TRPC4AP: variants seen among roughly 807,000 people sequenced by gnomAD.
TRPC4AP encodes the protein short transient receptor potential channel 4-associated protein.
A neutral mutation model predicts 99.0 loss-of-function variants in TRPC4AP; 45 were observed. The ratio of observed to expected loss-of-function variants is 0.45; its 90% CI spans 0.36 to 0.58. The LOEUF is 0.58. Among genes scored for constraint, TRPC4AP ranks in the 20% least tolerant of loss-of-function variants. The probability of loss-of-function intolerance (pLI) is 0.00; values close to 1 mark genes in which losing one functional copy is unlikely to be tolerated. For missense variants in TRPC4AP, 879 were observed against 985.3 expected, an observed-to-expected ratio of 0.89 and a Z score of 1.44; for synonymous variants, 408 against 385.8, an observed-to-expected ratio of 1.06 and a Z score of -0.67.
At chr20:35,092,514 T>C (rs2146064012) in intron 1 of TRPC4AP, 100 bp downstream of exon 1, 4 of 1,346,734 alleles carry the variant, frequency 3.0e-6, no homozygotes, top group Middle Eastern at 2.7e-4. Context: ...CAAAAGGGCT[T>C]TGGCCCGTCC....
intron 7 of TRPC4AP, among the ~76,000 whole-genome samples, chr20:35,043,714 A>G (rs780095532): frequency 1.3e-5 from 2 of 152,252 alleles, no homozygotes; most frequent in Non-Finnish European, 2.9e-5. Context: ...GAGATTAACA[A>G]TAACTAATGA....
chr20:35,036,404 C>T (rs2083318425), intron 7 of TRPC4AP, among the ~76,000 whole-genome samples: 1 of 152,236 alleles, frequency 6.6e-6, no homozygotes, highest in African/African-American at 2.4e-5. Flanking sequence ...CAATAAATAC[C>T]TTTTTGAATC....
At chr20:35,040,228 G>T (rs570605815) in intron 7 of TRPC4AP, among the ~76,000 whole-genome samples, 3 of 152,212 alleles carry the variant, frequency 2.0e-5, no homozygotes, top group Non-Finnish European at 4.4e-5. Flanking sequence ...TACATGGCTG[G>T]CACAGCACTG....
Position 35,069,354 on chromosome 20 carries a change from A to G in TRPC4AP, c.356T>C (p.Leu119Pro), listed in dbSNP as rs1259076679. The G allele has an allele frequency of 6.2e-7, 1 of 1,613,060 alleles. No homozygotes were observed. The highest frequency in any genetic ancestry group is 8.5e-7 in the Non-Finnish European group (1 of 1,179,094). Reference protein sequence around the residue: ...AMAFVTEERKLTQETTYPNTY... With the variant: ...AMAFVTEERKPTQETTYPNTY... ...ATTTGGATAAGTGGTTTCTTGGGTA[A>G]GTTTCCTCTCTTCAGTAACAAATGC... The change falls in exon 3 of 19, where the codon CTT becomes CCT. Residue 119 changes from leucine to proline, a missense_variant. By Grantham distance (98) the Leu-to-Pro change is moderately conservative. Around this residue, in one of 3 missense-constraint regions of TRPC4AP, gnomAD observed 603 missense variants for 631.8 expected, o/e 0.95. Coordinates refer to ENST00000252015, the MANE Select transcript of TRPC4AP (RefSeq NM_015638.3).
intron 1 of TRPC4AP, among the ~76,000 whole-genome samples, chr20:35,091,227 C>T (rs949809927): frequency 6.6e-6 from 1 of 151,826 alleles, no homozygotes; most frequent in African/African-American, 2.4e-5. Context: ...TGGATTCAAG[C>T]GATCTGCCTG....
Position 35,035,252 on chromosome 20 carries a change from T to G in TRPC4AP, c.922A>C (p.Lys308Gln). The G allele has an allele frequency of 6.2e-7, 1 of 1,614,056 alleles. No individual in the cohort carries two copies. Among genetic ancestry groups the G allele is most frequent in the South Asian group, 1.1e-5 (1 of 91,062 alleles). The change falls in exon 8 of 19, where the codon AAG becomes CAG. Residue 308 changes from lysine (K) to glutamine (Q), a missense_variant. Lys to Gln is a moderately conservative substitution (Grantham distance 53). This residue lies in a region of TRPC4AP where 603 missense variants were observed against 631.8 expected (regional missense o/e 0.95). Coordinates refer to ENST00000252015, the MANE Select transcript of TRPC4AP (RefSeq NM_015638.3). ...VERLCKLATR[K>Q]VSESTGTASF... ...GCTGTGCCCGTTGACTCTGACACCT[T>G]TCGAGTCGCCAGTTTGCAAAGCCGC...
chr20:35,033,584 G>T (rs1236304642), intron 8 of TRPC4AP, among the ~76,000 whole-genome samples: 1 of 152,184 alleles, frequency 6.6e-6, no homozygotes, highest in Non-Finnish European at 1.5e-5. Context: ...TCAGGAAGGG[G>T]TAATTTTTGA....
chr20:35,049,389 A>G (rs2083642661), intron 6 of TRPC4AP, among the ~76,000 whole-genome samples: 1 of 152,106 alleles, frequency 6.6e-6, no homozygotes, highest in South Asian at 2.1e-4. Flanking sequence ...AAGACTAATG[A>G]GAAAAAATAG....
intron 10 of TRPC4AP, among the ~76,000 whole-genome samples, chr20:35,013,794 TCC>T (rs1324301177): frequency 6.6e-6 from 1 of 152,112 alleles, no homozygotes; most frequent in Non-Finnish European, 1.5e-5. Flanking sequence ...GGGTGTCAGG[TCC>T]CAGTAAAGCC....
chr20:35,069,197 T>C, intron 3 of TRPC4AP, 99 bp downstream of exon 3: 1 of 717,730 alleles, frequency 1.4e-6, no homozygotes, highest in South Asian at 2.0e-5. Flanking sequence ...TCTGAAATGT[T>C]ATAAATTCTG....
chr20:35,039,876 GACTT>G (rs1023955545), intron 7 of TRPC4AP, among the ~76,000 whole-genome samples: 24 of 151,276 alleles, frequency 1.6e-4, no homozygotes, highest in African/African-American at 5.6e-4. Flanking sequence ...AAAAAATAAT[GACTT>G]ACGCTATCTT....
intron 1 of TRPC4AP, among the ~76,000 whole-genome samples, chr20:35,088,294 C>T (rs1166586738): frequency 3.9e-5 from 6 of 152,120 alleles, no homozygotes; most frequent in African/African-American, 1.4e-4. Flanking sequence ...AAATAACTTG[C>T]CTAAAGACAC....
intron 9 of TRPC4AP, among the ~76,000 whole-genome samples, chr20:35,018,316 C>T (rs1024866392): frequency 2.6e-5 from 4 of 152,120 alleles, no homozygotes; most frequent in East Asian, 1.9e-4. Context: ...GCTTCTCGGC[C>T]GGGCATGGTG....
intron 9 of TRPC4AP, among the ~76,000 whole-genome samples, chr20:35,020,768 C>G (rs578262561): frequency 6.6e-6 from 1 of 152,170 alleles, no homozygotes; most frequent in African/African-American, 2.4e-5. Context: ...GCTCAGGGAA[C>G]CTTGCACATC....
chr20:35,086,584 T>C (rs1384774392), intron 1 of TRPC4AP, among the ~76,000 whole-genome samples: 1 of 148,226 alleles, frequency 6.7e-6, no homozygotes, highest in African/African-American at 2.5e-5. Context: ...TGTATATATA[T>C]ATGAATAAGA....
chr20:35,003,352 T>C (rs2082436480), intron 18 of TRPC4AP, 58 bp downstream of exon 18: 1 of 1,612,570 alleles, frequency 6.2e-7, no homozygotes, highest in Non-Finnish European at 8.5e-7. Flanking sequence ...GGGACACCCC[T>C]CTGAGAGGCC....
chr20:35,086,523 ATATGTGTGTGTGTGTGTG>A (rs1436629178), intron 1 of TRPC4AP, among the ~76,000 whole-genome samples: 6,309 of 98,062 alleles, frequency 0.064, 334 homozygotes, highest in East Asian at 0.074. Context: ...GTGTGTGTAT[ATATGTGTGTGTGTGTGTG>A]TGTGTGTGTG....
At chr20:35,036,411 A>C (rs1433180946) in intron 7 of TRPC4AP, among the ~76,000 whole-genome samples, 1 of 152,218 alleles carries the variant, frequency 6.6e-6, no homozygotes, top group Non-Finnish European at 1.5e-5. Flanking sequence ...TACCTTTTTG[A>C]ATCCGCAGAT....
intron 3 of TRPC4AP, among the ~76,000 whole-genome samples, chr20:35,058,621 T>C (rs1252311593): frequency 6.6e-6 from 1 of 151,596 alleles, no homozygotes; most frequent in Non-Finnish European, 1.5e-5. Context: ...CCAAAACTTA[T>C]GATGTAGCTA....
Sources: gnomAD v4.1 joint callset for allele counts (sites outside exome capture counted in the v4.1 genomes callset) on GRCh38, gnomAD v4.1.1 for gene constraint, gnomAD v4.1.1 regional missense constraint, MANE v1.5 for transcripts, NCBI Gene and HGNC (gene_info 2026-07-23, HGNC 2026-07-21) for gene names.